The following CACNB2 variants were observed in gnomAD, a reference collection of about 807,000 sequenced individuals.
The protein encoded by CACNB2 is calcium voltage-gated channel auxiliary subunit beta 2, also known as voltage-dependent L-type calcium channel subunit beta-2.
CACNB2 carries 42 observed loss-of-function variants against 73.3 expected under a neutral mutation model. The ratio of observed to expected loss-of-function variants is 0.57; its 90% confidence interval spans 0.45 to 0.74. The LOEUF (loss-of-function observed/expected upper bound fraction) is 0.74. Ranked by LOEUF, CACNB2 falls within the 30% of genes least tolerant of loss-of-function variation. The probability of loss-of-function intolerance (pLI) is 0.00; values close to 1 mark genes in which losing one functional copy is unlikely to be tolerated. For missense variants in CACNB2, 940 were observed against 853.0 expected (o/e 1.10, Z -1.27); for synonymous variants, 348 against 310.3 (o/e 1.12, Z -1.28).
chr10:18,184,889 G>C (rs190798044), intron 2 of CACNB2, among the ~76,000 whole-genome samples: 15 of 152,058 alleles, frequency 9.9e-5, no homozygotes, highest in Non-Finnish European at 1.5e-4. Context: ...GCCCAGGCTG[G>C]AGTGCAGTGG....
chr10:18,303,731 G>T (rs576339579), intron 2 of CACNB2, among the ~76,000 whole-genome samples: 1 of 152,236 alleles, frequency 6.6e-6, no homozygotes, highest in East Asian at 1.9e-4. Context: ...TGTCCTTGGG[G>T]GTGCGTGTCC....
At chr10:18,406,543 G>T (rs918235643) in intron 3 of CACNB2, among the ~76,000 whole-genome samples, 3 of 152,110 alleles carry the variant, frequency 2.0e-5, no homozygotes, top group Non-Finnish European at 2.9e-5. Flanking sequence ...TCGAGGTTGC[G>T]CACTCCTTAT....
chr10:18,332,534 A>C (rs1284804938), intron 2 of CACNB2, among the ~76,000 whole-genome samples: 2 of 152,218 alleles, frequency 1.3e-5, no homozygotes, highest in Non-Finnish European at 2.9e-5. Flanking sequence ...AGAAACAAAG[A>C]GTATTCCAGG....
rs114824840 is a variant in CACNB2, at chr10:18,522,355, C to T, written c.944+3387C>T. Among the ~76,000 whole-genome samples, 1,211 of 152,216 alleles carry T rather than the reference C, an allele frequency of 8.0e-3. 20 individuals carry two copies. The highest frequency in any genetic ancestry group is 0.027 in the African/African-American group (1,105 of 41,512). ...AACCATCTCCCCACTCCTACCAAAC[C>T]GGTCCACGGAAAAGTTGTCTTTAAT... On this transcript the variant is annotated intron_variant, in intron 9 of 13. Transcript: ENST00000324631.
At chr10:18,431,037 G>A (rs1589331723) in intron 3 of CACNB2, among the ~76,000 whole-genome samples, 1 of 152,296 alleles carries the variant, frequency 6.6e-6, no homozygotes, top group South Asian at 2.1e-4. Flanking sequence ...GAGTGCAGTG[G>A]CATGATCATA....
intron 2 of CACNB2, among the ~76,000 whole-genome samples, chr10:18,187,414 C>G (rs186470545): frequency 1.3e-5 from 2 of 152,238 alleles, no homozygotes; most frequent in Admixed American, 6.5e-5. Context: ...CTAAGATAAG[C>G]TAAAATATGC....
intron 3 of CACNB2, among the ~76,000 whole-genome samples, chr10:18,463,857 C>G (rs1333569538): frequency 6.6e-6 from 1 of 152,090 alleles, no homozygotes; most frequent in African/African-American, 2.4e-5. Flanking sequence ...CCCAGCTCCT[C>G]CCGCTCCATG....
chr10:18,248,175 A>G (rs2036941191), intron 2 of CACNB2, among the ~76,000 whole-genome samples: 1 of 152,250 alleles, frequency 6.6e-6, no homozygotes, highest in Non-Finnish European at 1.5e-5. Context: ...TTCAGTAGAA[A>G]AGCCCCACTT....
chr10:18,320,754 A>G (rs2131952832), intron 2 of CACNB2, among the ~76,000 whole-genome samples: 1 of 152,280 alleles, frequency 6.6e-6, no homozygotes, highest in Admixed American at 6.5e-5. Context: ...CTGCGTAACT[A>G]TTGGCTATTA....
At chr10:18,273,909 C>T (rs1236339572) in intron 2 of CACNB2, among the ~76,000 whole-genome samples, 2 of 152,178 alleles carry the variant, frequency 1.3e-5, no homozygotes, top group Non-Finnish European at 2.9e-5. Context: ...AGATCCAGTT[C>T]ATACCGTTTG....
chr10:18,411,910 T>A (rs1038230399), intron 3 of CACNB2, among the ~76,000 whole-genome samples: 2 of 152,226 alleles, frequency 1.3e-5, no homozygotes, highest in Non-Finnish European at 1.5e-5. Context: ...AAGTTCTTGC[T>A]GCAAAACAAA....
intron 2 of CACNB2, among the ~76,000 whole-genome samples, chr10:18,325,181 C>T (rs1358166576): frequency 6.6e-6 from 1 of 152,116 alleles, no homozygotes; most frequent in Non-Finnish European, 1.5e-5. Flanking sequence ...TCATTTGCCT[C>T]AAACCTAGTT....
At chr10:18,473,056 A>G (rs1414853248) in intron 3 of CACNB2, among the ~76,000 whole-genome samples, 1 of 152,178 alleles carries the variant, frequency 6.6e-6, no homozygotes, top group Non-Finnish European at 1.5e-5. Context: ...CCAAATTTGC[A>G]TTGTTGTTCG....
At chr10:18,383,803 T>G (rs886357657) in intron 2 of CACNB2, among the ~76,000 whole-genome samples, 7 of 152,114 alleles carry the variant, frequency 4.6e-5, no homozygotes, top group Admixed American at 2.0e-4. Context: ...CTTCCCGGAT[T>G]CAAGCGATTC....
intron 3 of CACNB2, among the ~76,000 whole-genome samples, chr10:18,442,134 C>A (rs2046438445): frequency 6.6e-6 from 1 of 152,090 alleles, no homozygotes; most frequent in African/African-American, 2.4e-5. Flanking sequence ...AGTGGACACA[C>A]CTGGTTTGAA....
chr10:18,438,002 ATTTTTTTTTTTTT>A (rs56671616), intron 3 of CACNB2, among the ~76,000 whole-genome samples: 164 of 41,770 alleles, frequency 3.9e-3, no homozygotes, highest in African/African-American at 0.015. Flanking sequence ...GCCCAGTTGG[ATTTTTTTTTTTTT>A]TTTTTTTTTT....
intron 2 of CACNB2, among the ~76,000 whole-genome samples, chr10:18,172,084 G>A (rs2033283737): frequency 6.6e-6 from 1 of 152,068 alleles, no homozygotes; most frequent in Non-Finnish European, 1.5e-5. Flanking sequence ...AAAAAGTGGT[G>A]GGGCACAGTG....
chr10:18,351,525 T>G (rs2041706538), intron 2 of CACNB2, among the ~76,000 whole-genome samples: 1 of 152,234 alleles, frequency 6.6e-6, no homozygotes, highest in African/African-American at 2.4e-5. Context: ...TTTCAAAGCA[T>G]TCTTAAGGAT....
chr10:18,344,120 TAAG>T (rs1247528858), intron 2 of CACNB2, among the ~76,000 whole-genome samples: 97 of 151,860 alleles, frequency 6.4e-4, no homozygotes, highest in African/African-American at 2.2e-3. Context: ...CTGTATGTTA[TAAG>T]ACAAATAATG....
Sources: gnomAD v4.1 joint callset for allele counts (sites outside exome capture counted in the v4.1 genomes callset) on GRCh38, gnomAD v4.1.1 for gene constraint, MANE v1.5 for transcripts, NCBI Gene and HGNC (gene_info 2026-07-23, HGNC 2026-07-21) for gene names.